RFWD3: variants seen among roughly 807,000 people sequenced by gnomAD.
RFWD3 encodes E3 ubiquitin-protein ligase RFWD3.
In RFWD3, 65 loss-of-function variants were observed where a neutral mutation model predicts 87.7. The ratio of observed to expected loss-of-function variants is 0.74; its 90% confidence interval spans 0.61 to 0.91. RFWD3 has a LOEUF of 0.91. Among genes scored for constraint, RFWD3 ranks in the 40% least tolerant of loss-of-function variants. RFWD3 has a pLI of 0.00. For synonymous variants in RFWD3, 433 were observed against 352.8 expected (o/e 1.23, Z -2.55); for missense variants, 1,078 against 938.5 (o/e 1.15, Z -1.94).
chr16:74,665,045 A>G (rs1961769334), intron 1 of RFWD3, among the ~76,000 whole-genome samples: 1 of 152,130 alleles, frequency 6.6e-6, no homozygotes, highest in Non-Finnish European at 1.5e-5. Flanking sequence ...TAAAATGTCA[A>G]CCTCAGACTT....
At position 74,661,438 on chromosome 16, in the gene RFWD3, T is replaced by C. The variant is rs954934444; in HGVS notation, c.12A>G (p.Glu4=). 1.2e-6 allele frequency: 2 copies of C among 1,607,362 alleles called. No individual in the cohort carries two copies. Among genetic ancestry groups the C allele is most frequent in the Non-Finnish European group, 1.7e-6 (2 of 1,177,482 alleles). The change falls in exon 2 of 13, where the codon GAA becomes GAG. Residue 4 remains glutamate, a synonymous_variant. Coordinates refer to ENST00000361070, the MANE Select transcript of RFWD3 (RefSeq NM_018124.4). MAH[E]AMEYDVQVQL... ...GCACCTGAACATCATATTCCATTGCTTCATGAGCCATCACTAGAGAAACAG... is the reference window on the plus strand; with the variant it reads ...GCACCTGAACATCATATTCCATTGCCTCATGAGCCATCACTAGAGAAACAG...
intron 9 of RFWD3, 144 bp downstream of exon 9, chr16:74,632,379 G>A (rs554337501): frequency 4.4e-5 from 39 of 887,548 alleles, no homozygotes; most frequent in South Asian, 1.0e-4. Flanking sequence ...GTGACAGAGC[G>A]AGACTCCATC....
intron 2 of RFWD3, among the ~76,000 whole-genome samples, chr16:74,656,533 A>G (rs1424231971): frequency 6.6e-6 from 1 of 151,728 alleles, no homozygotes; most frequent in African/African-American, 2.4e-5. Flanking sequence ...CCCAGGCTGG[A>G]GTGCAGTGGC....
At chr16:74,663,394 A>T (rs1342986253) in intron 1 of RFWD3, among the ~76,000 whole-genome samples, 1 of 152,214 alleles carries the variant, frequency 6.6e-6, no homozygotes, top group African/African-American at 2.4e-5. Context: ...CAATGTTTCA[A>T]GGAAGGAACA....
chr16:74,646,106 T>C (rs1960121608), intron 4 of RFWD3, among the ~76,000 whole-genome samples: 1 of 152,140 alleles, frequency 6.6e-6, no homozygotes, highest in Non-Finnish European at 1.5e-5. Flanking sequence ...CCAGGTGTAG[T>C]AATCACACCT....
chr16:74,637,122 T>TAAAAAAAA (rs759556308), intron 7 of RFWD3, among the ~76,000 whole-genome samples: 1 of 101,794 alleles, frequency 9.8e-6, no homozygotes, highest in African/African-American at 3.8e-5. Flanking sequence ...TAAAGTCCTT[T>TAAAAAAAA]AAAAAAAAAA....
chr16:74,648,276 C>G (rs1289785386), intron 4 of RFWD3, among the ~76,000 whole-genome samples: 1 of 151,776 alleles, frequency 6.6e-6, no homozygotes, highest in Non-Finnish European at 1.5e-5. Flanking sequence ...GGATCCACAC[C>G]TGGACCTCTT....
chr16:74,660,120 T>C (rs547792364), intron 2 of RFWD3, among the ~76,000 whole-genome samples: 1 of 152,250 alleles, frequency 6.6e-6, no homozygotes, highest in Non-Finnish European at 1.5e-5. Flanking sequence ...GCTTCCTCCA[T>C]CTGCCTATGT....
chr16:74,652,253 G>C (rs1305792460), intron 2 of RFWD3, 131 bp from the exon 3 acceptor site: 3 of 787,926 alleles, frequency 3.8e-6, no homozygotes, highest in Non-Finnish European at 6.0e-6. Flanking sequence ...TTTGAAAGCT[G>C]AAGCAGGTAT....
At chr16:74,646,995 G>A (rs567213292) in intron 4 of RFWD3, among the ~76,000 whole-genome samples, 12 of 152,080 alleles carry the variant, frequency 7.9e-5, no homozygotes, top group Admixed American at 3.3e-4. Flanking sequence ...GCTGAGGCAG[G>A]AGAATGGTGT....
In RFWD3 at chr16:74,649,188, C is replaced by A; in HGVS notation, c.736G>T (p.Val246Phe). 1.3e-6 allele frequency: 2 copies of A among 1,563,280 alleles called. No homozygotes were observed. The highest frequency in any genetic ancestry group is 1.7e-6 in the Non-Finnish European group (2 of 1,163,008). Residue 246 changes from valine (V) to phenylalanine (F), a missense_variant, in exon 4 of 13, where the codon GTC becomes TTC. Val to Phe is a conservative substitution (Grantham distance 50). Coordinates refer to ENST00000361070, the MANE Select transcript of RFWD3 (RefSeq NM_018124.4). Reference sequence around the variant, plus strand: ...CATGTAACTTCTTGCTCTGCTGAGACACCTGCTAGTTGCTCTGCCAAGTCA... The same window carrying A: ...CATGTAACTTCTTGCTCTGCTGAGAAACCTGCTAGTTGCTCTGCCAAGTCA... Reference protein sequence around the residue: ...AVILEEQLAGVSAEQEVTCID... With the variant: ...AVILEEQLAGFSAEQEVTCID...
intron 9 of RFWD3, 71 bp downstream of exon 9, chr16:74,632,447 TCATAA>T: frequency 1.3e-6 from 2 of 1,501,700 alleles, no homozygotes; most frequent in Non-Finnish European, 9.2e-7. Flanking sequence ...GCTAAGGTCA[TCATAA>T]CACCGATACG....
rs530856707 is a variant in RFWD3, at chr16:74,624,146, C to A, written c.2182-75G>T. 5.9e-6 allele frequency: 9 copies of A among 1,520,670 alleles called. No homozygotes were observed. In the African/African-American group the frequency reaches 1.1e-4, roughly 19 times the overall value. The allele number at this position is 1,520,670 out of a possible 1,614,324, so 94.2% of individuals were successfully genotyped here. A position where few individuals can be genotyped will look rare whatever the true frequency, so the allele number is the denominator to read the frequency against. ...GGGACTTCCATTCTTCATCATCTAACAAGTCTGAAAGGCTGCAGAGAGAAC... is the reference window on the plus strand; with the variant it reads ...GGGACTTCCATTCTTCATCATCTAAAAAGTCTGAAAGGCTGCAGAGAGAAC... On this transcript the variant is annotated intron_variant, in intron 12 of 12. Coordinates refer to ENST00000361070, the MANE Select transcript of RFWD3 (RefSeq NM_018124.4).
chr16:74,660,517 C>G (rs1961342295), intron 2 of RFWD3: 1 of 168,880 alleles, frequency 5.9e-6, no homozygotes, highest in South Asian at 1.5e-4. Context: ...TCATAATAAC[C>G]CTGTCAAGAC....
At chr16:74,639,523 C>A (rs867322617) in intron 6 of RFWD3, among the ~76,000 whole-genome samples, 12 of 152,158 alleles carry the variant, frequency 7.9e-5, no homozygotes, top group Middle Eastern at 3.4e-3. Context: ...GTGAAAGACA[C>A]AAGAAAACAG....
At chr16:74,647,880 C>T (rs1960278672) in intron 4 of RFWD3, among the ~76,000 whole-genome samples, 1 of 152,186 alleles carries the variant, frequency 6.6e-6, no homozygotes, top group South Asian at 2.1e-4. Flanking sequence ...GCATGGGCCA[C>T]CGCGCCCAGC....
At chr16:74,662,280 T>C (rs1029684853) in intron 1 of RFWD3, among the ~76,000 whole-genome samples, 1 of 152,188 alleles carries the variant, frequency 6.6e-6, no homozygotes, top group African/African-American at 2.4e-5. Context: ...GTTTTTAAAG[T>C]ACATCAGTAT....
At chr16:74,640,415 A>T (rs574018615) in intron 6 of RFWD3, among the ~76,000 whole-genome samples, 101 of 152,062 alleles carry the variant, frequency 6.6e-4, no homozygotes, top group African/African-American at 2.2e-3. Context: ...AAGTGCTGGG[A>T]TTACAGGCGT....
In RFWD3 at chr16:74,624,090, G is replaced by C. The variant is rs201384422; in HGVS notation, c.2182-19C>G. Reference sequence around the variant, plus strand: ...CCCACAGCTAAAGAACACAAGCAGAGGGAAGGGTCAGGAGTCAGTCAGTAC... The same window carrying C: ...CCCACAGCTAAAGAACACAAGCAGACGGAAGGGTCAGGAGTCAGTCAGTAC... On this transcript the variant is annotated intron_variant, in intron 12 of 12. Transcript: ENST00000361070. 6.2e-5 allele frequency: 100 copies of C among 1,612,418 alleles called. No homozygotes were observed. The East Asian group carries it at 2.0e-3, about 32-fold the overall frequency.
Sources: gnomAD v4.1 joint callset for allele counts (sites outside exome capture counted in the v4.1 genomes callset) on GRCh38, gnomAD v4.1.1 for gene constraint, MANE v1.5 for transcripts, NCBI Gene and HGNC (gene_info 2026-07-23, HGNC 2026-07-21) for gene names.